Variants in SORCS1 observed in about 807,000 individuals in gnomAD.
SORCS1 encodes the protein sortilin related VPS10 domain containing receptor 1, also known as VPS10 domain-containing receptor SorCS1.
A neutral mutation model predicts 146.1 loss-of-function variants in SORCS1; 60 were observed. That is an observed-to-expected ratio of 0.41 (90% CI 0.33 to 0.51). The LOEUF (loss-of-function observed/expected upper bound fraction) is 0.51, where lower values mean the gene tolerates loss of function less well. Among genes scored for constraint, SORCS1 ranks in the 20% least tolerant of loss-of-function variants. The pLI, the probability that SORCS1 is intolerant of heterozygous loss-of-function variation, is 0.21. For synonymous variants in SORCS1, 637 were observed against 584.0 expected, an observed-to-expected ratio of 1.09 and a Z score of -1.31; for missense variants, 1,352 against 1,487.6, an observed-to-expected ratio of 0.91 and a Z score of 1.50.
chr10:107,113,331 A>C (rs947686169), intron 1 of SORCS1, among the ~76,000 whole-genome samples: 1 of 152,166 alleles, frequency 6.6e-6, no homozygotes, highest in African/African-American at 2.4e-5. Context: ...CAACATACCA[A>C]AATTTCTGAG....
At chr10:106,766,129 T>G (rs1199871654) in intron 4 of SORCS1, among the ~76,000 whole-genome samples, 1 of 152,156 alleles carries the variant, frequency 6.6e-6, no homozygotes, top group Non-Finnish European at 1.5e-5. Flanking sequence ...GCGCCTGTGT[T>G]GGCGGAAAAC....
chr10:106,957,165 G>GGTT (rs1554894764), intron 1 of SORCS1, among the ~76,000 whole-genome samples: 2 of 138,074 alleles, frequency 1.4e-5, no homozygotes, highest in East Asian at 2.3e-4. Flanking sequence ...GTTTTTTTTT[G>GGTT]TTTTTTTTGT....
chr10:107,065,765 G>C (rs964743156), intron 1 of SORCS1, among the ~76,000 whole-genome samples: 20 of 151,964 alleles, frequency 1.3e-4, no homozygotes, highest in Admixed American at 6.6e-4. Context: ...AGATTCACTG[G>C]CCTCCGCCTC....
chr10:106,631,396 G>A (rs970848516), intron 18 of SORCS1, among the ~76,000 whole-genome samples: 1 of 152,176 alleles, frequency 6.6e-6, no homozygotes, highest in Admixed American at 6.5e-5. Context: ...AACCAAAGTG[G>A]ACTGATCAAC....
chr10:107,055,170 A>G (rs1960488983), intron 1 of SORCS1, among the ~76,000 whole-genome samples: 1 of 152,176 alleles, frequency 6.6e-6, no homozygotes, highest in Non-Finnish European at 1.5e-5. Context: ...AGAGCACACC[A>G]CATCACCTTC....
intron 1 of SORCS1, among the ~76,000 whole-genome samples, chr10:106,959,325 G>A (rs1223661673): frequency 6.6e-6 from 1 of 152,160 alleles, no homozygotes; most frequent in Non-Finnish European, 1.5e-5. Context: ...TAATCTTTCT[G>A]TTTTCAGAAC....
At chr10:106,674,152 TA>T (rs35781544) in intron 14 of SORCS1, among the ~76,000 whole-genome samples, 1,678 of 126,370 alleles carry the variant, frequency 0.013, 33 homozygotes, top group African/African-American at 0.046. Context: ...CTGTCTCTAC[TA>T]AAAAAAAAAA....
At chr10:107,019,192 A>AT (rs1175062552) in intron 1 of SORCS1, among the ~76,000 whole-genome samples, 2 of 152,216 alleles carry the variant, frequency 1.3e-5, no homozygotes, top group African/African-American at 4.8e-5. Flanking sequence ...GCCTGTAGCC[A>AT]TTATATATGG....
intron 9 of SORCS1, among the ~76,000 whole-genome samples, chr10:106,691,920 C>A (rs1853325023): frequency 1.3e-5 from 1 of 74,940 alleles, no homozygotes; most frequent in African/African-American, 3.1e-5. Flanking sequence ...TTTGGTCATC[C>A]CCTGTGTGAC....
intron 6 of SORCS1, among the ~76,000 whole-genome samples, chr10:106,726,915 T>C (rs1856238804): frequency 1.3e-5 from 2 of 151,844 alleles, no homozygotes; most frequent in African/African-American, 4.8e-5. Flanking sequence ...TGAAACCCCG[T>C]CTCTACTAAA....
intron 7 of SORCS1, 76 bp downstream of exon 7, chr10:106,709,147 G>C: frequency 8.7e-7 from 1 of 1,150,302 alleles, no homozygotes; most frequent in Non-Finnish European, 1.3e-6. Context: ...TTAATGGAGT[G>C]TAAAGCAGGC....
At chr10:106,728,417 A>C (rs955968762) in intron 6 of SORCS1, among the ~76,000 whole-genome samples, 13 of 152,196 alleles carry the variant, frequency 8.5e-5, no homozygotes, top group African/African-American at 3.1e-4. Flanking sequence ...AGGAGGTGGG[A>C]AAGCTGCTCT....
At chr10:106,692,604 G>C (rs1853382969) in intron 9 of SORCS1, among the ~76,000 whole-genome samples, 1 of 152,186 alleles carries the variant, frequency 6.6e-6, no homozygotes, top group African/African-American at 2.4e-5. Flanking sequence ...TGGGCAAACT[G>C]TATGATATGT....
the SORCS1 span, among the ~76,000 whole-genome samples, chr10:107,177,426 C>T: frequency 6.6e-6 from 1 of 152,130 alleles, no homozygotes; most frequent in African/African-American, 2.4e-5. Flanking sequence ...GACATAAAGT[C>T]ACAATATGGA....
chr10:107,123,483 G>A (rs113668546), intron 1 of SORCS1, among the ~76,000 whole-genome samples: 100 of 152,282 alleles, frequency 6.6e-4, no homozygotes, highest in African/African-American at 2.2e-3. Context: ...GTCAAAATTA[G>A]CCCAGTACTT....
At chr10:107,131,580 C>A (rs879175887) in intron 1 of SORCS1, among the ~76,000 whole-genome samples, 1 of 152,080 alleles carries the variant, frequency 6.6e-6, no homozygotes, top group Admixed American at 6.6e-5. Context: ...CAAAAATTAG[C>A]CGGGTGTGGT....
intron 1 of SORCS1, among the ~76,000 whole-genome samples, chr10:106,984,273 G>A (rs915352695): frequency 1.3e-5 from 2 of 151,962 alleles, no homozygotes; most frequent in South Asian, 2.1e-4. Context: ...TATTTCCCAC[G>A]GACACAAGCT....
At chr10:107,023,277 A>G (rs957146180) in intron 1 of SORCS1, among the ~76,000 whole-genome samples, 2 of 152,198 alleles carry the variant, frequency 1.3e-5, no homozygotes, top group African/African-American at 4.8e-5. Context: ...AAGGATTTCC[A>G]GGAAACACTG....
chr10:106,743,745 C>T (rs993218405), intron 5 of SORCS1, among the ~76,000 whole-genome samples: 1 of 152,062 alleles, frequency 6.6e-6, no homozygotes, highest in African/African-American at 2.4e-5. Context: ...ATTTAAATAG[C>T]ATGCTTTAAA....
Sources: gnomAD v4.1 joint callset for allele counts (sites outside exome capture counted in the v4.1 genomes callset) on GRCh38, gnomAD v4.1.1 for gene constraint, MANE v1.5 for transcripts, NCBI Gene and HGNC (gene_info 2026-07-23, HGNC 2026-07-21) for gene names.